Variants in GRIK2 observed in about 807,000 individuals in gnomAD.
GRIK2 encodes glutamate receptor ionotropic, kainate 2.
Under a neutral mutation model 100.3 loss-of-function variants are expected in GRIK2, and 32 were observed. The ratio of observed to expected loss-of-function variants is 0.32; its 90% CI spans 0.24 to 0.43. The LOEUF (loss-of-function observed/expected upper bound fraction) is 0.43. Ranked by LOEUF, GRIK2 falls within the 20% of genes least tolerant of loss-of-function variation. The probability of loss-of-function intolerance (pLI) is 1.00; values close to 1 mark genes in which losing one functional copy is unlikely to be tolerated. For synonymous variants in GRIK2, 417 were observed against 389.4 expected (o/e 1.07, Z -0.83); for missense variants, 843 against 1,114.9 (o/e 0.76, Z 3.47).
intron 9 of GRIK2, among the ~76,000 whole-genome samples, chr6:101,803,320 T>C (rs1296438753): frequency 6.6e-6 from 1 of 151,792 alleles, no homozygotes; most frequent in Admixed American, 6.6e-5. Context: ...AACAGCATAT[T>C]TGAATGCTGA....
intron 14 of GRIK2, among the ~76,000 whole-genome samples, chr6:101,955,947 T>G (rs957817288): frequency 2.0e-5 from 3 of 152,088 alleles, no homozygotes; most frequent in East Asian, 3.9e-4. Context: ...TCGAGTGTAC[T>G]TTGCTCTTCT....
intron 2 of GRIK2, among the ~76,000 whole-genome samples, chr6:101,495,921 C>A (rs546816938): frequency 8.7e-4 from 132 of 151,742 alleles, no homozygotes; most frequent in Non-Finnish European, 1.5e-3. Flanking sequence ...AGGATGTGTG[C>A]TGGTATTTTA....
At position 101,589,315 on chromosome 6, in the gene GRIK2, G is replaced by A. The variant is rs138912841; in HGVS notation, c.116-32634G>A. ...TTATTACTTTTGTGGTGGCAACACC[G>A]TCTACCCTCTTTTAGAATATTTTTA... On this transcript the variant is annotated intron_variant, in intron 2 of 16. Coordinates refer to ENST00000369134, the MANE Select transcript of GRIK2 (RefSeq NM_021956.5). Among the ~76,000 whole-genome samples, 580 of 152,170 alleles carry A rather than the reference G, an allele frequency of 3.8e-3. 1 individual carries two copies. The highest frequency in any genetic ancestry group is 0.013 in the African/African-American group (541 of 41,550).
chr6:101,595,955 ATTTT>A lies in GRIK2; in HGVS notation c.116-25982_116-25979del, dbSNP rs61558249. Among the ~76,000 whole-genome samples the A allele has an allele frequency of 4.4e-4, 63 of 141,956 alleles. 1 individual carries two copies. The highest frequency in any genetic ancestry group is 1.4e-3 in the African/African-American group (53 of 39,008). 93.1% of individuals were successfully genotyped at this position (141,956 alleles called of 152,430 possible). A position where few individuals can be genotyped will look rare whatever the true frequency, so the allele number is the denominator to read the frequency against. ...GTTCAGCTAAATATAATTCATTAAAATTTTTTTTTTTTTTTGCTTTTTTAAATTT... is the reference window on the plus strand; with the variant it reads ...GTTCAGCTAAATATAATTCATTAAAATTTTTTTTTTTGCTTTTTTAAATTT... On this transcript the variant is annotated intron_variant, in intron 2 of 16. Coordinates refer to ENST00000369134, the MANE Select transcript of GRIK2 (RefSeq NM_021956.5).
chr6:101,911,830 A>G lies in GRIK2; in HGVS notation c.1749-12771A>G, dbSNP rs568820128. Among the ~76,000 whole-genome samples, 16 of 151,622 alleles carry G rather than the reference A, an allele frequency of 1.1e-4. No homozygotes were observed. In the South Asian group the frequency reaches 3.3e-3, roughly 31 times the overall value. ...GACTCATCTTATTACACAATAATAC[A>G]CACACATAATTTAAGTATGTAAGTT... On this transcript the variant is annotated intron_variant, in intron 12 of 16. Coordinates refer to ENST00000369134, the MANE Select transcript of GRIK2 (RefSeq NM_021956.5).
At chr6:101,553,387 T>C (rs1776600940) in intron 2 of GRIK2, among the ~76,000 whole-genome samples, 1 of 152,212 alleles carries the variant, frequency 6.6e-6, no homozygotes, top group Admixed American at 6.5e-5. Context: ...ATATTTTCTT[T>C]TGTATACATT....
intron 7 of GRIK2, among the ~76,000 whole-genome samples, chr6:101,771,795 G>A (rs1253365591): frequency 6.8e-6 from 1 of 147,100 alleles, no homozygotes; most frequent in Non-Finnish European, 1.5e-5. Context: ...TGGTTTTTTT[G>A]TCCTTGCGAT....
chr6:101,968,755 T>C (rs566478360), intron 14 of GRIK2, among the ~76,000 whole-genome samples: 1 of 128,418 alleles, frequency 7.8e-6, no homozygotes, highest in African/African-American at 2.6e-5. Context: ...GTGTGTTCTC[T>C]GAGGGGAAAA....
intron 15 of GRIK2, among the ~76,000 whole-genome samples, chr6:102,048,974 G>A (rs547921910): frequency 1.3e-5 from 2 of 152,002 alleles, no homozygotes; most frequent in African/African-American, 4.8e-5. Context: ...AATGTATGAA[G>A]GATTTGGGTT....
At chr6:101,691,308 T>C (rs1369396095) in intron 7 of GRIK2, among the ~76,000 whole-genome samples, 1 of 151,704 alleles carries the variant, frequency 6.6e-6, no homozygotes, top group Admixed American at 6.6e-5. Flanking sequence ...TTTTTCTTTT[T>C]TTTTTTTTTG....
chr6:102,055,624 T>C (rs1771426126), intron 16 of GRIK2, 44 bp downstream of exon 16: 1 of 1,461,590 alleles, frequency 6.8e-7, no homozygotes, highest in Non-Finnish European at 9.5e-7. Context: ...CAATTTTTGT[T>C]GTTACAATAA....
chr6:101,414,149 G>A (rs1776004297), intron 2 of GRIK2, among the ~76,000 whole-genome samples: 1 of 152,166 alleles, frequency 6.6e-6, no homozygotes, highest in South Asian at 2.1e-4. Flanking sequence ...CTAACATGAA[G>A]GGAGGCATCT....
At chr6:101,402,122 C>T (rs989874088) in intron 2 of GRIK2, among the ~76,000 whole-genome samples, 13 of 152,292 alleles carry the variant, frequency 8.5e-5, no homozygotes, top group African/African-American at 3.1e-4. Context: ...GAGGGGCAGC[C>T]CCCGCTTAGA....
intron 2 of GRIK2, among the ~76,000 whole-genome samples, chr6:101,575,568 T>C (rs62419632): frequency 0.052 from 7,958 of 152,046 alleles, 318 homozygotes; most frequent in South Asian, 0.12. Context: ...TTCTTGCATA[T>C]TGGGTGGTTT....
At chr6:101,530,578 G>A (rs1775390633) in intron 2 of GRIK2, among the ~76,000 whole-genome samples, 1 of 151,726 alleles carries the variant, frequency 6.6e-6, no homozygotes, top group South Asian at 2.1e-4. Context: ...GGCAGATCCT[G>A]GAAAACCTTG....
chr6:102,067,851 T>C (rs1772093642), intron 16 of GRIK2, among the ~76,000 whole-genome samples: 1 of 151,888 alleles, frequency 6.6e-6, no homozygotes, highest in Admixed American at 6.6e-5. Flanking sequence ...TTCCATATTT[T>C]ATGTCTGTGT....
chr6:101,956,631 G>A (rs1381153208), intron 14 of GRIK2, among the ~76,000 whole-genome samples: 2 of 151,556 alleles, frequency 1.3e-5, no homozygotes, highest in Non-Finnish European at 2.9e-5. Flanking sequence ...AGAATATGAG[G>A]TATTTGACTT....
chr6:101,932,452 T>C lies in GRIK2; in HGVS notation c.2085+3820T>C, dbSNP rs1191848023. 2.0e-5 allele frequency among the ~76,000 whole-genome samples: 3 copies of C among 151,932 alleles called. No individual in the cohort carries two copies. The East Asian group carries it at 5.8e-4, about 29-fold the overall frequency. On this transcript the variant is annotated intron_variant, in intron 14 of 16. Coordinates refer to ENST00000369134, the MANE Select transcript of GRIK2 (RefSeq NM_021956.5). ...TCCCCATCCACCTCTACCAACCTAA[T>C]TGGTTATATTCTCTTTATTCCTTAG...
chr6:101,612,716 ATG>A (rs139709674), intron 2 of GRIK2, among the ~76,000 whole-genome samples: 5,023 of 143,124 alleles, frequency 0.035, 111 homozygotes, highest in Non-Finnish European at 0.049. Flanking sequence ...GTATGTGTTA[ATG>A]TGTGTGTGTG....
Sources: gnomAD v4.1 joint callset for allele counts (sites outside exome capture counted in the v4.1 genomes callset) on GRCh38, gnomAD v4.1.1 for gene constraint, MANE v1.5 for transcripts, NCBI Gene and HGNC (gene_info 2026-07-23, HGNC 2026-07-21) for gene names.